Variants in SLC9A6 observed in about 807,000 individuals in gnomAD.
SLC9A6 encodes the protein sodium/hydrogen exchanger 6.
Under a neutral mutation model 45.3 loss-of-function variants are expected in SLC9A6, and 6 were observed. The ratio of observed to expected loss-of-function variants is 0.13; its 90% CI spans 0.07 to 0.26. The LOEUF (loss-of-function observed/expected upper bound fraction) is 0.26. Among genes scored for constraint, SLC9A6 ranks in the 10% least tolerant of loss-of-function variants. The pLI is 1.00. For synonymous variants in SLC9A6, 191 were observed against 187.7 expected (o/e 1.02, Z -0.14); for missense variants, 278 against 503.7 (o/e 0.55, Z 4.29).
In SLC9A6 at chrX:135,985,818, A is replaced by G; in HGVS notation, c.160A>G (p.Met54Val). The G allele has an allele frequency of 8.3e-7, 1 of 1,211,044 alleles. No homozygotes were observed. Among genetic ancestry groups the G allele is most frequent in the Non-Finnish European group, 1.1e-6 (1 of 895,369 alleles). ...CTTCCTGCACGAAACCGGCCTGGCT[A>G]TGATTTATGGCAAGTTCCTCAACCC... ...ARFLHETGLA[M>V]IYGLLVGLVL... The change falls in exon 2 of 18, where the codon ATG (methionine) becomes GTG (valine). Residue 54 changes from methionine (M) to valine (V), a missense_variant. Met to Val is a conservative substitution (Grantham distance 21). Transcript: ENST00000630721.
intron 13 of SLC9A6, 123 bp from the exon 14 acceptor site, chrX:136,028,763 T>C (rs2071270629): frequency 3.7e-6 from 1 of 272,193 alleles, no homozygotes; most frequent in Admixed American, 6.5e-5. Context: ...CATCATTTTC[T>C]CCCTTCAGTG....
Position 136,044,285 on chromosome X carries a change from T to G in SLC9A6, c.1768-167T>G, listed in dbSNP as rs112451243. 0.09 allele frequency among the ~76,000 whole-genome samples: 9,928 copies of G among 110,585 alleles called. 578 individuals carry two copies. The highest frequency in any genetic ancestry group is 0.21 in the African/African-American group (6,469 of 30,269). ...ATTGTAGCAGGAGAGGAACTAAGGA[T>G]GCCAAGTCACGCTGTATTTTAAGCC... On this transcript the variant is annotated intron_variant, in intron 17 of 17. Coordinates refer to ENST00000630721, the MANE Select transcript of SLC9A6 (RefSeq NM_001379110.1).
chrX:136,003,663 G>A (rs2089613764), intron 7 of SLC9A6, among the ~76,000 whole-genome samples: 3 of 111,919 alleles, frequency 2.7e-5, no homozygotes, highest in South Asian at 7.4e-4. Context: ...TAGGTTAAAG[G>A]GTAAAATCCA....
chrX:136,014,622 G>A (rs983592646), intron 10 of SLC9A6, among the ~76,000 whole-genome samples: 1 of 112,689 alleles, frequency 8.9e-6, no homozygotes, highest in African/African-American at 3.2e-5. Context: ...AAAATTAGCC[G>A]GATGTAGTGG....
intron 1 of SLC9A6, among the ~76,000 whole-genome samples, chrX:135,975,925 C>A (rs2089259157): frequency 1.1e-5 from 1 of 93,192 alleles, no homozygotes; most frequent in African/African-American, 4.1e-5. Context: ...TACAGTGAGC[C>A]ATGATTATGC....
At chrX:136,035,872 G>T (rs1009162274) in intron 16 of SLC9A6, among the ~76,000 whole-genome samples, 1 of 109,433 alleles carries the variant, frequency 9.1e-6, no homozygotes, top group Non-Finnish European at 1.9e-5. Context: ...TCTAAACACA[G>T]CCTCCTGGGT....
At chrX:136,014,088 G>A (rs781881009) in intron 10 of SLC9A6, among the ~76,000 whole-genome samples, 2 of 112,045 alleles carry the variant, frequency 1.8e-5, no homozygotes, top group Non-Finnish European at 3.8e-5. Context: ...GTCTTAGGAG[G>A]TATGTGGGAC....
intron 4 of SLC9A6, 91 bp downstream of exon 4, chrX:135,998,276 C>A: frequency 1.6e-6 from 1 of 625,619 alleles, no homozygotes; most frequent in Non-Finnish European, 2.7e-6. Flanking sequence ...CTGTTCTTTC[C>A]AGATTACCCT....
intron 17 of SLC9A6, 37 bp downstream of exon 17, chrX:136,040,218 A>G: frequency 9.9e-7 from 1 of 1,011,861 alleles, no homozygotes; most frequent in Non-Finnish European, 1.4e-6. Flanking sequence ...TTCTTCAGTA[A>G]GTTAAATTTA....
chrX:136,020,494 G>A (rs1254521383), intron 11 of SLC9A6, among the ~76,000 whole-genome samples: 3 of 111,150 alleles, frequency 2.7e-5, no homozygotes, highest in Non-Finnish European at 5.7e-5. Flanking sequence ...TGAGATTACA[G>A]GCATGATCTG....
At chrX:136,016,345 A>G (rs2071019676) in intron 10 of SLC9A6, among the ~76,000 whole-genome samples, 1 of 110,176 alleles carries the variant, frequency 9.1e-6, no homozygotes. Flanking sequence ...TGACTAAGGC[A>G]GTAGCAGGGA....
At chrX:136,036,802 G>A (rs2071420019) in intron 16 of SLC9A6, among the ~76,000 whole-genome samples, 3 of 112,917 alleles carry the variant, frequency 2.7e-5, no homozygotes, top group Non-Finnish European at 5.6e-5. Flanking sequence ...TCCCAAGGTC[G>A]TGAAGATATT....
intron 1 of SLC9A6, chrX:135,975,152 G>A (rs942680955): frequency 4.4e-5 from 5 of 112,564 alleles, no homozygotes; most frequent in African/African-American, 1.6e-4. Context: ...CTGCATTTCT[G>A]ACTACCAGAT....
Position 136,046,619 on chromosome X carries a change from G to T in SLC9A6, c.*1895G>T, listed in dbSNP as rs1418000645. The T allele has an allele frequency of 8.9e-6, 1 of 112,499 alleles. No individual in the cohort carries two copies. Among genetic ancestry groups the T allele is most frequent in the Non-Finnish European group, 1.9e-5 (1 of 53,271 alleles). The allele number at this position is 112,499 out of a possible 1,213,427, so 9.3% of individuals were successfully genotyped here. ...CTTCGCATGACAAATTCAGTAACTC[G>T]TCTATTTCAGCATGCATAAGACTTT... On this transcript the variant is annotated 3_prime_UTR_variant, in exon 18 of 18. Coordinates refer to ENST00000630721, the MANE Select transcript of SLC9A6 (RefSeq NM_001379110.1).
intron 17 of SLC9A6, among the ~76,000 whole-genome samples, chrX:136,042,105 T>C (rs1345278219): frequency 4.5e-5 from 5 of 110,091 alleles, no homozygotes; most frequent in African/African-American, 1.7e-4. Context: ...GTGCTGGGGG[T>C]TAGGACTTCA....
chrX:136,028,929 G>A lies in SLC9A6; in HGVS notation c.1504G>A (p.Gly502Ser). The A allele has an allele frequency of 3.4e-6, 1 of 297,102 alleles. No individual in the cohort carries two copies. Among genetic ancestry groups the A allele is most frequent in the Admixed American group, 6.1e-5 (1 of 16,434 alleles). The allele number at this position is 297,102 out of a possible 1,213,427, so 24.5% of individuals were successfully genotyped here. Residue 502 changes from glycine (G) to serine (S), a missense_variant, in exon 14 of 18, where the codon GGC becomes AGC. This residue lies in a region of SLC9A6 where 15 missense variants were observed against 58.1 expected (regional missense o/e 0.26). Transcript: ENST00000630721. ...GGGATACAGAGATGAATTGAGACAT[G>A]GCCTTTACCCTCAAGGAACTCACAG... ...LWGYRDELRH[G>S]LYPQGTHSLF... is the part of the protein sequence containing the mutation.
chrX:136,031,328 A>G (rs1444145553), intron 15 of SLC9A6, among the ~76,000 whole-genome samples: 4 of 112,809 alleles, frequency 3.5e-5, no homozygotes, highest in African/African-American at 1.3e-4. Context: ...AAAAGGAGTG[A>G]CAGGGAGAGA....
At chrX:136,006,977 C>T (rs955782078) in intron 7 of SLC9A6, among the ~76,000 whole-genome samples, 1 of 110,709 alleles carries the variant, frequency 9.0e-6, no homozygotes, top group Admixed American at 9.6e-5. Flanking sequence ...AGCGATTCTC[C>T]TGCCTTAGCC....
chrX:136,038,994 A>G (rs1445886668), intron 16 of SLC9A6, among the ~76,000 whole-genome samples: 3 of 111,013 alleles, frequency 2.7e-5, no homozygotes, highest in Admixed American at 1.9e-4. Flanking sequence ...CTTAGAATTT[A>G]TTAATATGAG....
Sources: allele counts gnomAD v4.1 joint callset (sites outside exome capture counted in the v4.1 genomes callset), GRCh38; gene constraint gnomAD v4.1.1; regional missense constraint gnomAD v4.1.1; transcripts MANE v1.5; gene names NCBI Gene and HGNC (gene_info 2026-07-23, HGNC 2026-07-21).